Variants in SEZ6L observed in about 807,000 individuals in gnomAD.
The protein encoded by SEZ6L is seizure 6-like protein.
In SEZ6L, 37 loss-of-function variants were observed where a neutral mutation model predicts 106.2. That is an observed-to-expected ratio of 0.35 (90% CI 0.27 to 0.46). SEZ6L has a LOEUF of 0.46. Among genes scored for constraint, SEZ6L ranks in the 20% least tolerant of loss-of-function variants. The probability of loss-of-function intolerance (pLI) is 1.00; values close to 1 mark genes in which losing one functional copy is unlikely to be tolerated. For synonymous variants in SEZ6L, 541 were observed against 570.4 expected (o/e 0.95, Z 0.73); for missense variants, 1,172 against 1,332.8 (o/e 0.88, Z 1.88).
intron 1 of SEZ6L, among the ~76,000 whole-genome samples, chr22:26,187,210 A>G (rs1200435172): frequency 6.6e-6 from 1 of 152,190 alleles, no homozygotes; most frequent in Non-Finnish European, 1.5e-5. Context: ...GGAAGCAAAC[A>G]TGTCCTTCTT....
chr22:26,249,302 C>A (rs925542695), intron 1 of SEZ6L, among the ~76,000 whole-genome samples: 1 of 152,118 alleles, frequency 6.6e-6, no homozygotes, highest in Non-Finnish European at 1.5e-5. Context: ...ATCCACTAAC[C>A]AACCTCTCCT....
intron 12 of SEZ6L, among the ~76,000 whole-genome samples, chr22:26,355,798 C>T (rs550807230): frequency 2.2e-4 from 33 of 152,244 alleles, no homozygotes; most frequent in African/African-American, 7.0e-4. Context: ...AGCCTCTTGC[C>T]CAGTCACTTG....
At chr22:26,192,486 C>T (rs751833615) in intron 1 of SEZ6L, among the ~76,000 whole-genome samples, 1 of 152,170 alleles carries the variant, frequency 6.6e-6, no homozygotes, top group Admixed American at 6.5e-5. Context: ...CTCAGGAATT[C>T]TTGTGAAATG....
chr22:26,244,207 G>T (rs1050628528), intron 1 of SEZ6L: 1 of 149,720 alleles, frequency 6.7e-6, no homozygotes, highest in Non-Finnish European at 1.5e-5. Flanking sequence ...AATGAGCAGG[G>T]TGACCCATCA....
chr22:26,221,562 G>A, intron 1 of SEZ6L, among the ~76,000 whole-genome samples: 1 of 152,190 alleles, frequency 6.6e-6, no homozygotes, highest in East Asian at 1.9e-4. Flanking sequence ...TGTGCAAGGA[G>A]CTTCATGTGA....
chr22:26,294,591 A>G (rs755652953), intron 3 of SEZ6L, among the ~76,000 whole-genome samples, 166 bp downstream of exon 3: 5 of 152,200 alleles, frequency 3.3e-5, no homozygotes, highest in Non-Finnish European at 7.3e-5. Context: ...TCTTAACTCA[A>G]TGCTTTGCTA....
At chr22:26,186,049 C>T (rs1013505837) in intron 1 of SEZ6L, among the ~76,000 whole-genome samples, 4 of 151,896 alleles carry the variant, frequency 2.6e-5, no homozygotes, top group Non-Finnish European at 4.4e-5. Flanking sequence ...CGATCACACC[C>T]TGGCTGCCCA....
chr22:26,262,893 AC>A (rs1490002983), intron 1 of SEZ6L, among the ~76,000 whole-genome samples: 1 of 152,184 alleles, frequency 6.6e-6, no homozygotes, highest in African/African-American at 2.4e-5. Context: ...AGGGCTGAGA[AC>A]TTTGATTTCT....
intron 1 of SEZ6L, among the ~76,000 whole-genome samples, chr22:26,245,118 C>A (rs995074180): frequency 3.3e-5 from 5 of 152,098 alleles, no homozygotes; most frequent in East Asian, 1.9e-4. Flanking sequence ...GTTTCCCGTG[C>A]CCCTTTGTGG....
intron 1 of SEZ6L, among the ~76,000 whole-genome samples, chr22:26,215,391 T>C (rs1246318836): frequency 6.6e-6 from 1 of 152,174 alleles, no homozygotes; most frequent in East Asian, 1.9e-4. Flanking sequence ...TCAGACATAC[T>C]TCTGCATGTT....
chr22:26,192,190 C>T (rs972746430), intron 1 of SEZ6L, among the ~76,000 whole-genome samples: 1 of 152,160 alleles, frequency 6.6e-6, no homozygotes, highest in African/African-American at 2.4e-5. Context: ...ACTCATCCAC[C>T]TGTTGATGAA....
chr22:26,196,870 G>A (rs1332861366), intron 1 of SEZ6L, among the ~76,000 whole-genome samples: 2 of 152,330 alleles, frequency 1.3e-5, no homozygotes, highest in Middle Eastern at 3.4e-3. Context: ...CTGCTTGAGT[G>A]ACTGGCTGGA....
At chr22:26,261,872 T>C (rs979400783) in intron 1 of SEZ6L, among the ~76,000 whole-genome samples, 6 of 152,084 alleles carry the variant, frequency 3.9e-5, no homozygotes, top group African/African-American at 1.4e-4. Context: ...ACTGAGATTA[T>C]TGGAGGTAGC....
intron 1 of SEZ6L, among the ~76,000 whole-genome samples, chr22:26,181,428 C>T (rs535261398): frequency 1.2e-4 from 18 of 152,234 alleles, no homozygotes; most frequent in African/African-American, 4.3e-4. Flanking sequence ...TGGAATCAAG[C>T]CTAGTTTTCC....
At chr22:26,266,158 C>A (rs1007008655) in intron 1 of SEZ6L, among the ~76,000 whole-genome samples, 2 of 152,094 alleles carry the variant, frequency 1.3e-5, no homozygotes, top group Non-Finnish European at 2.9e-5. Flanking sequence ...GCTGCGGAGG[C>A]TGTGCTGCAC....
chr22:26,255,701 G>C (rs964831905), intron 1 of SEZ6L, among the ~76,000 whole-genome samples: 24 of 152,232 alleles, frequency 1.6e-4, no homozygotes, highest in African/African-American at 5.3e-4. Context: ...ACTTTCTCCA[G>C]CATAGCAAAA....
At chr22:26,212,635 C>G (rs2078193819) in intron 1 of SEZ6L, among the ~76,000 whole-genome samples, 1 of 152,102 alleles carries the variant, frequency 6.6e-6, no homozygotes, top group Non-Finnish European at 1.5e-5. Context: ...GCTGCCCAGG[C>G]TGGTCTCAAA....
intron 13 of SEZ6L, among the ~76,000 whole-genome samples, chr22:26,372,933 T>G (rs942330495): frequency 6.6e-6 from 1 of 152,182 alleles, no homozygotes; most frequent in African/African-American, 2.4e-5. Flanking sequence ...TCGCAATTCA[T>G]TCGTGCTTTG....
chr22:26,294,686 T>TCACA (rs1400434425), intron 3 of SEZ6L, among the ~76,000 whole-genome samples: 3 of 150,472 alleles, frequency 2.0e-5, no homozygotes, highest in South Asian at 2.1e-4. Context: ...TCTGCTTATC[T>TCACA]CACACACACA....
Sources: gnomAD v4.1 joint callset for allele counts (sites outside exome capture counted in the v4.1 genomes callset) on GRCh38, gnomAD v4.1.1 for gene constraint, MANE v1.5 for transcripts, NCBI Gene and HGNC (gene_info 2026-07-23, HGNC 2026-07-21) for gene names.